The following PSG8 variants were observed in gnomAD, a reference collection of about 807,000 sequenced individuals.
PSG8 encodes the protein pregnancy-specific beta-1-glycoprotein 8.
A neutral mutation model predicts 42.5 loss-of-function variants in PSG8; 57 were observed. That is an observed-to-expected ratio of 1.34 (90% CI 1.08 to 1.67). PSG8 has a LOEUF of 1.67. Ranked by LOEUF, PSG8 falls within the 40% of genes most tolerant of loss-of-function variation. PSG8 has a pLI of 0.00. For missense variants in PSG8, 783 were observed against 518.6 expected (o/e 1.51, Z -4.95); for synonymous variants, 280 against 196.8 (o/e 1.42, Z -3.54).
rs570433407 is a variant in PSG8, at chr19:42,755,566, C to A, written c.710-300G>T. ...CCCTGGTATCCCTCCCAGTCCCTCC[C>A]TAATCAGTTGACTGGCTGGCTCACC... On this transcript the variant is annotated intron_variant, in intron 3 of 4. Coordinates refer to ENST00000306511, the MANE Select transcript of PSG8 (RefSeq NM_182707.3). 1.8e-4 allele frequency: 102 copies of A among 569,620 alleles called. 1 individual carries two copies. In the Middle Eastern group the frequency reaches 2.6e-3, roughly 14 times the overall value. The allele number at this position is 569,620 out of a possible 1,614,324, so 35.3% of individuals were successfully genotyped here. A position where few individuals can be genotyped will look rare whatever the true frequency, so the allele number is the denominator to read the frequency against.
At chr19:42,763,089 C>G (rs1970117949) in intron 2 of PSG8, among the ~76,000 whole-genome samples, 1 of 152,180 alleles carries the variant, frequency 6.6e-6, no homozygotes, top group South Asian at 2.1e-4. Flanking sequence ...TTCACAGTCA[C>G]CTGACCTAAT....
Position 42,755,073 on chromosome 19 carries a change from C to T in PSG8, c.903G>A (p.Thr301=), listed in dbSNP as rs544743837. The change falls in exon 4 of 5, where the codon ACG becomes ACA. Residue 301 remains threonine, a synonymous_variant. Coordinates refer to ENST00000306511, the MANE Select transcript of PSG8 (RefSeq NM_182707.3). ...ATTGATAGGGTCCTGTTTCATTTCT[C>T]GTGACACTGGGTAGAATGAGGATCC... The part of the protein sequence containing the change: ...ENRILILPSV[T]RNETGPYQCE... 23 of 1,612,486 alleles carry T rather than the reference C, an allele frequency of 1.4e-5. No homozygotes were observed. The Admixed American group carries it at 2.2e-4, about 15-fold the overall frequency.
intron 2 of PSG8, among the ~76,000 whole-genome samples, chr19:42,759,990 A>G (rs1401309764): frequency 6.6e-6 from 1 of 152,182 alleles, no homozygotes; most frequent in Non-Finnish European, 1.5e-5. Flanking sequence ...GGGAGGAATG[A>G]TGCCAAATTA....
chr19:42,753,476 G>T (rs890766163), downstream of PSG8: 40 of 728,916 alleles, frequency 5.5e-5, 1 homozygote, highest in Non-Finnish European at 9.5e-5. Flanking sequence ...TTCTCTCTAT[G>T]GGCATCTCTA....
At chr19:42,753,285 G>C (rs1444427944), downstream of PSG8, 5 of 779,902 alleles carry the variant, frequency 6.4e-6, no homozygotes, top group African/African-American at 6.8e-5. Context: ...CCAGCTTATA[G>C]GGCTTCTGGA....
At chr19:42,752,777 T>C (rs1969814009), downstream of PSG8, 1 of 177,054 alleles carries the variant, frequency 5.6e-6, no homozygotes, top group Non-Finnish European at 1.2e-5. Flanking sequence ...GCGAGAGCCA[T>C]CCACAGAATG....
chr19:42,762,256 T>C (rs1309635140), intron 2 of PSG8, among the ~76,000 whole-genome samples: 4 of 151,734 alleles, frequency 2.6e-5, no homozygotes, highest in Non-Finnish European at 1.5e-5. Flanking sequence ...AGAGACACCA[T>C]GGCAGTGAGC....
At chr19:42,754,195 G>A, downstream of PSG8, 4 of 1,544,856 alleles carry the variant, frequency 2.6e-6, no homozygotes, top group African/African-American at 1.4e-5. Context: ...AAATTTGGAG[G>A]GTTTAGGAGG....
chr19:42,760,984 G>A (rs1462217532), intron 2 of PSG8, among the ~76,000 whole-genome samples: 5 of 152,150 alleles, frequency 3.3e-5, no homozygotes, highest in Non-Finnish European at 5.9e-5. Flanking sequence ...CTGACAGGAA[G>A]CCAGAAGTCT....
intron 3 of PSG8, chr19:42,756,113 G>T (rs4630672): frequency 0.15 from 22,934 of 152,180 alleles, 3,203 homozygotes; most frequent in African/African-American, 0.37. Flanking sequence ...AGGGTGGGAA[G>T]GATCTGCTGG....
chr19:42,759,384 C>G (rs545382265), intron 2 of PSG8, among the ~76,000 whole-genome samples: 1 of 152,192 alleles, frequency 6.6e-6, no homozygotes, highest in South Asian at 2.1e-4. Flanking sequence ...TGAGGAGGTT[C>G]TAGAGATCTC....
intron 2 of PSG8, among the ~76,000 whole-genome samples, chr19:42,761,425 A>C (rs1288039595): frequency 6.6e-6 from 1 of 152,130 alleles, no homozygotes; most frequent in Non-Finnish European, 1.5e-5. Flanking sequence ...GTCATTTGGC[A>C]AGAGTTTACA....
chr19:42,763,520 G>C (rs575339621), intron 2 of PSG8, among the ~76,000 whole-genome samples: 3 of 152,296 alleles, frequency 2.0e-5, no homozygotes, highest in African/African-American at 7.2e-5. Context: ...TAGGGACACT[G>C]TTCTGGGGGT....
At chr19:42,760,944 C>A (rs190645607) in intron 2 of PSG8, among the ~76,000 whole-genome samples, 22 of 152,162 alleles carry the variant, frequency 1.4e-4, no homozygotes, top group Non-Finnish European at 2.6e-4. Context: ...GTGTTAGAAC[C>A]GAATGACAAA....
At chr19:42,765,208 G>A (rs993657226) in intron 1 of PSG8, among the ~76,000 whole-genome samples, 4 of 149,902 alleles carry the variant, frequency 2.7e-5, no homozygotes, top group East Asian at 2.0e-4. Context: ...GCTGGCGTGC[G>A]ATGGCACTAT....
In PSG8 at chr19:42,754,238, C is replaced by A. The variant is rs1489742875; in HGVS notation, c.*57G>T. On this transcript the variant is annotated 3_prime_UTR_variant, in exon 5 of 5. Transcript: ENST00000306511. ...GGGATTTGCTTGTGCCCATGGGACG[C>A]AGGCTGGGAATAAAAATGTTTTCCT... is the stretch of plus-strand genomic sequence containing the variant. The A allele has an allele frequency of 3.1e-6, 5 of 1,593,328 alleles. 1 individual carries two copies. The highest frequency in any genetic ancestry group is 1.3e-5 in the African/African-American group (1 of 74,310).
At chr19:42,753,833 T>C (rs1283972396), downstream of PSG8, 3 of 444,434 alleles carry the variant, frequency 6.8e-6, no homozygotes, top group Non-Finnish European at 1.3e-5. Context: ...ATTGTTGCTG[T>C]ACTTGTGCAA....
chr19:42,758,619 G>A, intron 2 of PSG8: 1 of 373,096 alleles, frequency 2.7e-6, no homozygotes, highest in African/African-American at 2.0e-5. Context: ...TCCTCACTTG[G>A]AGCATGCAGT....
At position 42,763,998 on chromosome 19, in the gene PSG8, G is replaced by T; in HGVS notation, c.348C>A (p.Asp116Glu). Residue 116 changes from aspartate to glutamate, a missense_variant, in exon 2 of 5, where the codon GAC becomes GAA. Coordinates refer to ENST00000306511, the MANE Select transcript of PSG8 (RefSeq NM_182707.3). Reference sequence around the variant, plus strand: ...TGATGTGTAAGGTGTAGGATCCTGCGTCTTCCTGGGTGACATTCTGGATCA... The same window carrying T: ...TGATGTGTAAGGTGTAGGATCCTGCTTCTTCCTGGGTGACATTCTGGATCA... ...SLLIQNVTQEDAGSYTLHIIM... is the reference protein window; with the variant it reads ...SLLIQNVTQEEAGSYTLHIIM... The T allele has an allele frequency of 1.9e-6, 3 of 1,613,098 alleles. No homozygotes were observed. The highest frequency in any genetic ancestry group is 8.5e-7 in the Non-Finnish European group (1 of 1,179,736).
Sources: gnomAD v4.1 joint callset for allele counts (sites outside exome capture counted in the v4.1 genomes callset) on GRCh38, gnomAD v4.1.1 for gene constraint, MANE v1.5 for transcripts, NCBI Gene and HGNC (gene_info 2026-07-23, HGNC 2026-07-21) for gene names.